The following ACACA variants were observed in gnomAD, a reference collection of about 807,000 sequenced individuals.
The protein encoded by ACACA is acetyl-CoA carboxylase alpha.
Under a neutral mutation model 296.1 loss-of-function variants are expected in ACACA, and 103 were observed. The observed-to-expected ratio is 0.35, with a 90% CI of 0.30 to 0.41. The LOEUF is 0.41. Among genes scored for constraint, ACACA ranks in the 10% least tolerant of loss-of-function variants. The pLI is 1.00. For missense variants in ACACA, 1,554 were observed against 2,989.7 expected, an observed-to-expected ratio of 0.52 and a Z score of 11.20; for synonymous variants, 953 against 1,038.6, an observed-to-expected ratio of 0.92 and a Z score of 1.58.
At chr17:37,306,605 G>A (rs1454356970) in intron 3 of ACACA, among the ~76,000 whole-genome samples, 1 of 151,910 alleles carries the variant, frequency 6.6e-6, no homozygotes, top group Non-Finnish European at 1.5e-5. Context: ...GATCAGTCTT[G>A]TTTACTCTTG....
At chr17:37,259,092 T>C (rs888287230) in intron 12 of ACACA, among the ~76,000 whole-genome samples, 14 of 152,238 alleles carry the variant, frequency 9.2e-5, no homozygotes, top group African/African-American at 4.8e-5. Flanking sequence ...AGCTAAATAA[T>C]TGAATAAAGC....
intron 29 of ACACA, among the ~76,000 whole-genome samples, chr17:37,220,581 A>C (rs1429190158): frequency 1.3e-5 from 2 of 152,238 alleles, no homozygotes; most frequent in Non-Finnish European, 2.9e-5. Flanking sequence ...CATGGAGGCA[A>C]AAATGTACCG....
chr17:37,324,758 C>T (rs1307150608), intron 3 of ACACA, among the ~76,000 whole-genome samples: 4 of 148,580 alleles, frequency 2.7e-5, no homozygotes, highest in African/African-American at 1.0e-4. Context: ...TTGCTTGAAC[C>T]CGGGAGGCGG....
chr17:37,268,137 G>A (rs999085008), intron 10 of ACACA, among the ~76,000 whole-genome samples: 4 of 152,072 alleles, frequency 2.6e-5, no homozygotes, highest in African/African-American at 9.7e-5. Flanking sequence ...GTCCTTGTCT[G>A]ATAATCTCAT....
chr17:37,187,020 AATTAAAAACATC>A (rs1257692667), intron 39 of ACACA, among the ~76,000 whole-genome samples: 4 of 152,224 alleles, frequency 2.6e-5, no homozygotes, highest in Non-Finnish European at 5.9e-5. Context: ...TGTAGAAGTT[AATTAAAAACATC>A]CCTACCCATT....
intron 5 of ACACA, 107 bp from the exon 6 acceptor site, chr17:37,278,112 G>T: frequency 1.2e-6 from 1 of 810,714 alleles, no homozygotes. Flanking sequence ...GTAACCACAG[G>T]ACAAACAGCA....
chr17:37,311,321 C>T (rs1323870095), intron 3 of ACACA, among the ~76,000 whole-genome samples: 1 of 152,008 alleles, frequency 6.6e-6, no homozygotes, highest in South Asian at 2.1e-4. Flanking sequence ...CTTCTCAGGA[C>T]CCTCCCTCCT....
chr17:37,388,251 G>C (rs1315098978), intron 1 of ACACA, among the ~76,000 whole-genome samples: 4 of 152,152 alleles, frequency 2.6e-5, no homozygotes, highest in African/African-American at 9.7e-5. Flanking sequence ...TTCTATGAAA[G>C]CCAGGAGAAA....
intron 1 of ACACA, among the ~76,000 whole-genome samples, chr17:37,386,452 C>A (rs1470465207): frequency 6.6e-6 from 1 of 151,986 alleles, no homozygotes; most frequent in African/African-American, 2.4e-5. Flanking sequence ...ATTAGCCGGA[C>A]GTGGTGGCAG....
intron 25 of ACACA, among the ~76,000 whole-genome samples, chr17:37,233,811 A>T (rs1433957369): frequency 1.3e-5 from 2 of 152,258 alleles, no homozygotes; most frequent in African/African-American, 4.8e-5. Flanking sequence ...TTGAAGTATT[A>T]CATTGTACTA....
intron 3 of ACACA, among the ~76,000 whole-genome samples, chr17:37,295,510 C>T (rs1213552806): frequency 6.6e-6 from 1 of 152,052 alleles, no homozygotes; most frequent in Non-Finnish European, 1.5e-5. Context: ...AGCACACGGC[C>T]AGGCACAGTG....
At chr17:37,382,020 G>A (rs978640117) in intron 1 of ACACA, among the ~76,000 whole-genome samples, 12 of 152,058 alleles carry the variant, frequency 7.9e-5, no homozygotes, top group African/African-American at 1.7e-4. Flanking sequence ...AACAATGACC[G>A]TATATATTCT....
chr17:37,128,024 C>CAAAAAAAAA (rs1173864454), intron 47 of ACACA, among the ~76,000 whole-genome samples: 9 of 39,740 alleles, frequency 2.3e-4, no homozygotes, highest in African/African-American at 6.3e-4. Context: ...AACTCCATCT[C>CAAAAAAAAA]AAAAAAAAAA....
intron 1 of ACACA, among the ~76,000 whole-genome samples, chr17:37,390,260 TAA>T (rs1491337448): frequency 2.9e-5 from 2 of 68,352 alleles, no homozygotes; most frequent in African/African-American, 6.8e-5. Context: ...ATATTATATA[TAA>T]TTATATATAA....
At chr17:37,280,330 T>A (rs1266177324) in intron 5 of ACACA, among the ~76,000 whole-genome samples, 3 of 152,132 alleles carry the variant, frequency 2.0e-5, no homozygotes. Flanking sequence ...CACCTCAGCC[T>A]CCGGAGTAGC....
chr17:37,301,425 TA>T (rs544609760), intron 3 of ACACA: 1 of 985,248 alleles, frequency 1.0e-6, no homozygotes, highest in Non-Finnish European at 1.2e-6. Context: ...CCCAGCATTG[TA>T]ACATGCCAAA....
intron 3 of ACACA, among the ~76,000 whole-genome samples, chr17:37,302,408 C>T (rs1379308115): frequency 9.9e-5 from 15 of 152,078 alleles, no homozygotes; most frequent in Admixed American, 6.6e-4. Flanking sequence ...TGGGGTTTAA[C>T]CATGTTGGCC....
At chr17:37,174,050 A>T (rs2077015111) in intron 41 of ACACA, among the ~76,000 whole-genome samples, 1 of 56,834 alleles carries the variant, frequency 1.8e-5, no homozygotes, top group East Asian at 4.9e-4. Context: ...TTGTAGCGAT[A>T]GGGTTTTGCC....
chr17:37,133,950 TGAGAG>T (rs1347519947), intron 45 of ACACA, among the ~76,000 whole-genome samples: 5 of 152,164 alleles, frequency 3.3e-5, no homozygotes, highest in South Asian at 4.1e-4. Context: ...GGGCTGAATC[TGAGAG>T]GAAAGAGGAT....
Sources: allele counts gnomAD v4.1 joint callset (sites outside exome capture counted in the v4.1 genomes callset), GRCh38; gene constraint gnomAD v4.1.1; transcripts MANE v1.5; gene names NCBI Gene and HGNC (gene_info 2026-07-23, HGNC 2026-07-21).